Variants in RELN observed in about 807,000 individuals in gnomAD.
RELN encodes reelin.
RELN carries 108 observed loss-of-function variants against 427.6 expected under a neutral mutation model. That is an observed-to-expected ratio of 0.25 (90% CI 0.22 to 0.30). RELN has a LOEUF of 0.30. Ranked by LOEUF, RELN falls within the 10% of genes least tolerant of loss-of-function variation. The pLI is 1.00. For missense variants in RELN, 3,715 were observed against 4,302.8 expected (o/e 0.86, Z 3.82); for synonymous variants, 1,524 against 1,513.4 (o/e 1.01, Z -0.16).
intron 2 of RELN, among the ~76,000 whole-genome samples, chr7:103,895,406 C>T (rs1794938562): frequency 1.3e-5 from 2 of 152,088 alleles, no homozygotes; most frequent in African/African-American, 4.8e-5. Flanking sequence ...TCATTTCTGC[C>T]TAGTTTACCA....
chr7:103,731,733 G>A (rs575660810), intron 6 of RELN, among the ~76,000 whole-genome samples: 2 of 152,118 alleles, frequency 1.3e-5, no homozygotes, highest in East Asian at 3.9e-4. Context: ...CTTGAAATAA[G>A]GTGGGATGGA....
intron 52 of RELN, among the ~76,000 whole-genome samples, chr7:103,502,625 C>T (rs1199674433): frequency 1.3e-5 from 2 of 152,156 alleles, no homozygotes; most frequent in Non-Finnish European, 2.9e-5. Context: ...TTGCTCCTGG[C>T]TCTGTCTATC....
chr7:103,643,851 T>C (rs931828227), intron 16 of RELN, among the ~76,000 whole-genome samples: 6 of 151,950 alleles, frequency 3.9e-5, no homozygotes, highest in African/African-American at 1.4e-4. Context: ...AAGTGATCCT[T>C]TTGCTTCTGC....
intron 10 of RELN, among the ~76,000 whole-genome samples, chr7:103,695,482 A>C (rs1833959191): frequency 6.6e-6 from 1 of 152,124 alleles, no homozygotes; most frequent in African/African-American, 2.4e-5. Context: ...ACCACAAAGC[A>C]AAGCATATTC....
At chr7:103,643,539 A>G (rs577891135) in intron 16 of RELN, among the ~76,000 whole-genome samples, 5 of 152,060 alleles carry the variant, frequency 3.3e-5, no homozygotes, top group African/African-American at 9.6e-5. Flanking sequence ...AGATCTTGCT[A>G]TGTTGTCCTG....
chr7:103,555,184 C>T (rs188064502), intron 38 of RELN, among the ~76,000 whole-genome samples: 1 of 152,170 alleles, frequency 6.6e-6, no homozygotes, highest in African/African-American at 2.4e-5. Flanking sequence ...AGCCAGGCTG[C>T]TTTTGTAAAG....
intron 3 of RELN, among the ~76,000 whole-genome samples, chr7:103,779,721 T>C (rs1449774383): frequency 1.3e-5 from 2 of 152,134 alleles, no homozygotes; most frequent in African/African-American, 4.8e-5. Flanking sequence ...GGGAGTGATT[T>C]TCTTTTTTCC....
intron 22 of RELN, among the ~76,000 whole-genome samples, chr7:103,606,824 A>G (rs773354361): frequency 6.6e-6 from 1 of 152,082 alleles, no homozygotes; most frequent in Non-Finnish European, 1.5e-5. Context: ...ACAAAACTTC[A>G]AGGGGACAAT....
chr7:103,630,864 T>G lies in RELN; in HGVS notation c.2466-688A>C, dbSNP rs374390103. 5.8e-4 allele frequency among the ~76,000 whole-genome samples: 87 copies of G among 150,096 alleles called. 2 individuals carry two copies. Among genetic ancestry groups the G allele is most frequent in the African/African-American group, 1.9e-3 (76 of 40,946 alleles). ...AGTTATTTTTTTGTTTTTTTTGTTT[T>G]TTTTTTTTTTGTTTTTTAACTAATG... On this transcript the variant is annotated intron_variant, in intron 19 of 64. Coordinates refer to ENST00000428762, the MANE Select transcript of RELN (RefSeq NM_005045.4).
chr7:103,545,463 G>C (rs1431674753), intron 41 of RELN, 119 bp from the exon 42 acceptor site: 2 of 731,980 alleles, frequency 2.7e-6, no homozygotes, highest in African/African-American at 3.5e-5. Flanking sequence ...CCAAGAAATA[G>C]AAAACATTTG....
intron 30 of RELN, 68 bp from the exon 31 acceptor site, chr7:103,572,328 G>T: frequency 1.2e-6 from 1 of 865,264 alleles, no homozygotes; most frequent in South Asian, 1.4e-5. Context: ...TTAGCGTTTT[G>T]ACACATTAGA....
chr7:103,744,740 C>CAAT (rs1366771296), intron 6 of RELN, among the ~76,000 whole-genome samples: 2 of 152,226 alleles, frequency 1.3e-5, no homozygotes, highest in East Asian at 3.9e-4. Flanking sequence ...CTGAATAGAC[C>CAAT]AATAACAGGC....
chr7:103,563,444 TAGAA>T lies in RELN; in HGVS notation c.5211-1495_5211-1492del, dbSNP rs957343538. On this transcript the variant is annotated intron_variant, in intron 34 of 64. Transcript: ENST00000428762. This position sits in a 1 kb window ranked among gnomAD's most constrained non-coding sequence, Gnocchi z 4.1. ...ATATTAAAAGCTTACAGAATAACGA[TAGAA>T]AGAAAACATTTTTGTACAGCTGTAC... Among the ~76,000 whole-genome samples, 1 of 152,198 alleles carries T rather than the reference TAGAA, an allele frequency of 6.6e-6. No homozygotes were observed. Among genetic ancestry groups the T allele is most frequent in the African/African-American group, 2.4e-5 (1 of 41,458 alleles).
chr7:103,677,011 A>G (rs1478655436), intron 11 of RELN, among the ~76,000 whole-genome samples: 1 of 151,618 alleles, frequency 6.6e-6, no homozygotes, highest in Non-Finnish European at 1.5e-5. Context: ...CATGTTGTGC[A>G]CATGTACCCT....
At chr7:103,500,992 G>T in intron 52 of RELN, 70 bp from the exon 53 acceptor site, 2 of 1,336,412 alleles carry the variant, frequency 1.5e-6, no homozygotes, top group Non-Finnish European at 2.2e-6. Flanking sequence ...TGTCCTGCAT[G>T]TGTATTCAGT....
intron 2 of RELN, among the ~76,000 whole-genome samples, chr7:103,890,732 C>G (rs543771568): frequency 6.6e-6 from 1 of 152,264 alleles, no homozygotes; most frequent in African/African-American, 2.4e-5. Flanking sequence ...TGGTAGGACC[C>G]CAGAGTCCTG....
At chr7:103,711,190 G>A (rs1428361745) in intron 8 of RELN, among the ~76,000 whole-genome samples, 1 of 152,178 alleles carries the variant, frequency 6.6e-6, no homozygotes, top group African/African-American at 2.4e-5. Flanking sequence ...AGTCAATTTT[G>A]AACAATTTGT....
chr7:103,979,720 T>C (rs1340282366), intron 1 of RELN, among the ~76,000 whole-genome samples: 1 of 152,210 alleles, frequency 6.6e-6, no homozygotes, highest in Non-Finnish European at 1.5e-5. Context: ...CAACATTTAC[T>C]GGAATTTCCT....
intron 27 of RELN, among the ~76,000 whole-genome samples, chr7:103,593,378 G>C (rs1584326010): frequency 6.6e-6 from 1 of 152,210 alleles, no homozygotes; most frequent in Admixed American, 6.5e-5. Flanking sequence ...TTAGAAGCTT[G>C]AGATTCATTA....
Sources: allele counts gnomAD v4.1 joint callset (sites outside exome capture counted in the v4.1 genomes callset), GRCh38; gene constraint gnomAD v4.1.1; non-coding constraint Gnocchi (gnomAD v3.1); transcripts MANE v1.5; gene names NCBI Gene and HGNC (gene_info 2026-07-23, HGNC 2026-07-21).